The following CDH18 variants were observed in gnomAD, a reference collection of about 807,000 sequenced individuals.
CDH18 encodes cadherin-18.
CDH18 carries 31 observed loss-of-function variants against 67.9 expected under a neutral mutation model. The ratio of observed to expected loss-of-function variants is 0.46; its 90% CI spans 0.34 to 0.62. The LOEUF (loss-of-function observed/expected upper bound fraction) is 0.62. CDH18 is among the 20% of genes least tolerant of loss of function. The pLI, the probability that CDH18 is intolerant of heterozygous loss-of-function variation, is 0.01. For synonymous variants in CDH18, 362 were observed against 347.2 expected (o/e 1.04, Z -0.48); for missense variants, 890 against 975.5 (o/e 0.91, Z 1.17).
Position 19,857,526 on chromosome 5 carries a change from CAG to C in CDH18, c.-256-18286_-256-18285del, listed in dbSNP as rs1490201546. ...GACACAGACATAACACAGACATACT[CAG>C]AAACAGTCATATATATGTCTTGCTT... On this transcript the variant is annotated intron_variant, in intron 2 of 12. Coordinates refer to ENST00000382275, the MANE Select transcript of CDH18 (RefSeq NM_004934.5). 6.2e-4 allele frequency among the ~76,000 whole-genome samples: 94 copies of C among 152,192 alleles called. 2 individuals are homozygous for C. Among genetic ancestry groups the C allele is most frequent in the Admixed American group, 3.3e-3 (50 of 15,286 alleles).
chr5:20,122,672 G>T (rs1390282561), intron 2 of CDH18, among the ~76,000 whole-genome samples: 1 of 151,340 alleles, frequency 6.6e-6, no homozygotes, highest in Non-Finnish European at 1.5e-5. Flanking sequence ...ATTCCTACTG[G>T]TTTAGATGAT....
chr5:20,343,382 A>G (rs1478527260), intron 1 of CDH18, among the ~76,000 whole-genome samples: 1 of 152,192 alleles, frequency 6.6e-6, no homozygotes, highest in East Asian at 1.9e-4. Flanking sequence ...ATCACTGTCC[A>G]GACTTGAGCC....
chr5:19,709,440 G>A (rs187269452), intron 5 of CDH18, among the ~76,000 whole-genome samples: 15 of 152,036 alleles, frequency 9.9e-5, no homozygotes, highest in African/African-American at 2.9e-4. Context: ...AGTGGCAGAC[G>A]CCTGTAATCC....
In CDH18 at chr5:19,728,013, C is replaced by T. The variant is rs574346873; in HGVS notation, c.524-6547G>A. ...GCAATTCCTTTATTTACACTGTGTG[C>T]CCAAATTTTATGCATAGTAGAAAAG... On this transcript the variant is annotated intron_variant, in intron 4 of 12. Transcript: ENST00000382275. 6.6e-5 allele frequency among the ~76,000 whole-genome samples: 10 copies of T among 152,144 alleles called. No homozygotes were observed. The South Asian group carries it at 2.1e-3, about 31-fold the overall frequency.
At chr5:20,430,984 T>G (rs540770217) in intron 1 of CDH18, among the ~76,000 whole-genome samples, 1 of 152,296 alleles carries the variant, frequency 6.6e-6, no homozygotes, top group African/African-American at 2.4e-5. Flanking sequence ...TCCTAATATA[T>G]TTATACTTGT....
chr5:19,836,213 CT>C (rs1270969330), intron 3 of CDH18, among the ~76,000 whole-genome samples: 1 of 152,000 alleles, frequency 6.6e-6, no homozygotes, highest in Non-Finnish European at 1.5e-5. Context: ...TGATTCTTTT[CT>C]TGTGCTAATT....
intron 5 of CDH18, among the ~76,000 whole-genome samples, chr5:19,645,684 C>T (rs1437415814): frequency 6.6e-6 from 1 of 152,124 alleles, no homozygotes; most frequent in East Asian, 1.9e-4. Context: ...GCTGAATAAG[C>T]ACGTCCTAAG....
At chr5:19,569,419 GT>G (rs1740985861) in intron 8 of CDH18, among the ~76,000 whole-genome samples, 1 of 152,184 alleles carries the variant, frequency 6.6e-6, no homozygotes. Context: ...ACTAAACACA[GT>G]GTGATGGTTA....
chr5:20,216,800 A>T (rs1605668), intron 2 of CDH18, among the ~76,000 whole-genome samples: 83,124 of 151,688 alleles, frequency 0.55, 22,861 homozygotes, highest in Middle Eastern at 0.69. Context: ...GATTTAACAC[A>T]AATAGTTCTA....
intron 1 of CDH18, among the ~76,000 whole-genome samples, chr5:20,358,725 T>C (rs1488979221): frequency 6.6e-6 from 1 of 152,110 alleles, no homozygotes; most frequent in Non-Finnish European, 1.5e-5. Flanking sequence ...TTATTTAAAA[T>C]GGATGCAGCA....
chr5:19,880,577 G>C (rs1483610951), intron 2 of CDH18, among the ~76,000 whole-genome samples: 1 of 152,066 alleles, frequency 6.6e-6, no homozygotes, highest in African/African-American at 2.4e-5. Context: ...CAACTACTTT[G>C]AAAATGAAGT....
At chr5:19,731,446 AT>A (rs1232479925) in intron 4 of CDH18, among the ~76,000 whole-genome samples, 2 of 151,468 alleles carry the variant, frequency 1.3e-5, no homozygotes, top group African/African-American at 4.9e-5. Flanking sequence ...GTGAGACTCC[AT>A]CTCAACAACA....
At chr5:20,411,761 T>G (rs556096458) in intron 1 of CDH18, among the ~76,000 whole-genome samples, 1 of 150,804 alleles carries the variant, frequency 6.6e-6, no homozygotes, top group Non-Finnish European at 1.5e-5. Flanking sequence ...AACTGAATAG[T>G]AAATGCAATC....
chr5:20,119,248 G>T (rs1748162714), intron 2 of CDH18, among the ~76,000 whole-genome samples: 1 of 152,090 alleles, frequency 6.6e-6, no homozygotes, highest in South Asian at 2.1e-4. Flanking sequence ...TCTTCCCTCA[G>T]AACAAAATTT....
chr5:19,645,223 G>GA (rs1754567972), intron 5 of CDH18, among the ~76,000 whole-genome samples: 2 of 152,146 alleles, frequency 1.3e-5, no homozygotes, highest in East Asian at 3.9e-4. Context: ...GATTCAGTTT[G>GA]AATATTATGT....
At chr5:20,314,851 G>A (rs1240638340) in intron 1 of CDH18, among the ~76,000 whole-genome samples, 1 of 151,836 alleles carries the variant, frequency 6.6e-6, no homozygotes, top group Admixed American at 6.6e-5. Context: ...CTAGATGAAT[G>A]TATACAAAAA....
At chr5:20,339,280 G>T (rs1446282133) in intron 1 of CDH18, among the ~76,000 whole-genome samples, 3 of 152,160 alleles carry the variant, frequency 2.0e-5, no homozygotes, top group Non-Finnish European at 4.4e-5. Context: ...TTACCAGCTA[G>T]AGGACAGACA....
rs145803894 is a variant in CDH18 at position 20,221,367 on chromosome 5, G to C, written c.-518+34077C>G. Among the ~76,000 whole-genome samples the C allele has an allele frequency of 9.9e-5, 15 of 152,170 alleles. 1 individual carries two copies. The East Asian group carries it at 2.3e-3, about 24-fold the overall frequency. ...AAGTGAAATAAGCCTGGCACAGAAA[G>C]ACAAAATTCACATGTTTCCACTCAT... On this transcript the variant is annotated intron_variant, in intron 2 of 14. Transcript: ENST00000507958.
intron 1 of CDH18, among the ~76,000 whole-genome samples, chr5:20,277,586 T>C (rs1010248103): frequency 2.0e-5 from 3 of 151,890 alleles, no homozygotes; most frequent in Non-Finnish European, 2.9e-5. Flanking sequence ...CTATAATAAA[T>C]ACCTAAGTTT....
Sources: gnomAD v4.1 joint callset for allele counts (sites outside exome capture counted in the v4.1 genomes callset) on GRCh38, gnomAD v4.1.1 for gene constraint, MANE v1.5 for transcripts, NCBI Gene and HGNC (gene_info 2026-07-23, HGNC 2026-07-21) for gene names.